Variants in OTOG observed in about 807,000 individuals in gnomAD.
OTOG encodes otogelin.
Under a neutral mutation model 313.8 loss-of-function variants are expected in OTOG, and 296 were observed. The ratio of observed to expected loss-of-function variants is 0.94; its 90% CI spans 0.86 to 1.04. The LOEUF (loss-of-function observed/expected upper bound fraction) is 1.04. Among genes scored for constraint, OTOG ranks in the 50% least tolerant of loss-of-function variants. The pLI, the probability that OTOG is intolerant of heterozygous loss-of-function variation, is 0.00. For synonymous variants in OTOG, 1,533 were observed against 1,554.9 expected (o/e 0.99, Z 0.33); for missense variants, 3,948 against 3,840.1 (o/e 1.03, Z -0.74).
chr11:17,615,914 G>A (rs571631543), intron 39 of OTOG, among the ~76,000 whole-genome samples: 8 of 152,042 alleles, frequency 5.3e-5, no homozygotes, highest in Admixed American at 2.0e-4. Context: ...GGCAACAAGA[G>A]TGAAACTGTC....
chr11:17,593,118 T>TAGA, intron 25 of OTOG, 75 bp from the exon 26 acceptor site: 4 of 1,405,810 alleles, frequency 2.8e-6, no homozygotes, highest in Admixed American at 2.4e-5. Flanking sequence ...AGAGAGCGTG[T>TAGA]TCCTCCACCT....
At chr11:17,603,649 C>A (rs1319606531) in intron 32 of OTOG, among the ~76,000 whole-genome samples, 1 of 152,142 alleles carries the variant, frequency 6.6e-6, no homozygotes, top group Non-Finnish European at 1.5e-5. Flanking sequence ...TGCCCAGGGT[C>A]CTGGGCAGCC....
Position 17,561,722 on chromosome 11 carries a change from TC to T in OTOG, c.1563del (p.Ala522ProfsTer18). On this transcript the variant is annotated frameshift_variant, in exon 15 of 56. Transcript: ENST00000399397. LOFTEE classifies it high-confidence loss of function. Reference sequence around the variant, plus strand: ...ACCTTTGATGGCCGCCGGTACACGTTCCCCGCCACATGTCAGTACATCCTGG... The same window carrying T: ...ACCTTTGATGGCCGCCGGTACACGTTCCCGCCACATGTCAGTACATCCTGG... ...FTTFDGRRYT[F>X]PATCQYILAK... 6.5e-7 allele frequency: 1 copy of T among 1,550,330 alleles called. No homozygotes were observed. The highest frequency in any genetic ancestry group is 8.7e-7 in the Non-Finnish European group (1 of 1,146,938).
chr11:17,637,367 C>T (rs1052005353), intron 47 of OTOG, among the ~76,000 whole-genome samples: 4 of 152,152 alleles, frequency 2.6e-5, no homozygotes, highest in African/African-American at 9.7e-5. Context: ...ATTATAATGA[C>T]ATGCCTCACA....
chr11:17,580,780 A>G (rs1268709597), intron 23 of OTOG, among the ~76,000 whole-genome samples: 1 of 152,230 alleles, frequency 6.6e-6, no homozygotes, highest in East Asian at 1.9e-4. Flanking sequence ...CAGTGTGCCC[A>G]GGCCTGTAAG....
chr11:17,596,004 T>C, intron 28 of OTOG, 34 bp from the exon 29 acceptor site: 5 of 1,441,370 alleles, frequency 3.5e-6, no homozygotes, highest in Non-Finnish European at 4.8e-6. Context: ...ATTTGGCAAG[T>C]AGGGAGGTCA....
At chr11:17,632,034 G>A (rs1854141066) in intron 41 of OTOG, 54 bp from the exon 42 acceptor site, 2 of 1,542,646 alleles carry the variant, frequency 1.3e-6, no homozygotes, top group South Asian at 1.2e-5. Context: ...GAGGAGCTGG[G>A]CACTGGGATA....
intron 39 of OTOG, among the ~76,000 whole-genome samples, chr11:17,625,609 G>A (rs1853965875): frequency 6.6e-6 from 1 of 152,096 alleles, no homozygotes; most frequent in African/African-American, 2.4e-5. Flanking sequence ...TTTGAGAAAT[G>A]TCTATTTCAA....
intron 34 of OTOG, 29 bp downstream of exon 34, chr11:17,608,442 G>T: frequency 6.9e-7 from 1 of 1,446,408 alleles, no homozygotes. Context: ...TGGGCATGGA[G>T]CCAAGGTGTG....
chr11:17,616,935 T>C (rs1039340333), intron 39 of OTOG, among the ~76,000 whole-genome samples: 8 of 152,340 alleles, frequency 5.3e-5, no homozygotes, highest in African/African-American at 1.7e-4. Context: ...TTGTCTGATC[T>C]TAGGGAGAAG....
chr11:17,547,819 G>A (rs1039991173), intron 1 of OTOG, 108 bp from the exon 2 acceptor site: 4 of 440,124 alleles, frequency 9.1e-6, no homozygotes, highest in African/African-American at 6.0e-5. Flanking sequence ...GGGAGAATGG[G>A]GGAATGCTCA....
chr11:17,582,248 C>G (rs188309967), intron 23 of OTOG, among the ~76,000 whole-genome samples: 1 of 152,236 alleles, frequency 6.6e-6, no homozygotes, highest in Non-Finnish European at 1.5e-5. Context: ...GGCTTTTTGT[C>G]ACTATATAGT....
intron 15 of OTOG, among the ~76,000 whole-genome samples, chr11:17,568,259 T>G (rs117911985): frequency 1.2e-4 from 19 of 152,300 alleles, no homozygotes; most frequent in African/African-American, 4.3e-4. Flanking sequence ...TGAATATATA[T>G]AGAGAGATTT....
rs1452499025 is a variant in OTOG, at chr11:17,608,428, G to A, written c.4274+15G>A. Reference sequence around the variant, plus strand: ...GACGTACCCAGGTGAGATGCCAGGGGCTGTGGGCATGGAGCCAAGGTGTGT... The same window carrying A: ...GACGTACCCAGGTGAGATGCCAGGGACTGTGGGCATGGAGCCAAGGTGTGT... On this transcript the variant is annotated intron_variant, in intron 34 of 55. Transcript: ENST00000399397. 1.4e-5 allele frequency: 21 copies of A among 1,507,564 alleles called. 1 individual carries two copies. The Middle Eastern group carries it at 5.2e-4, about 37-fold the overall frequency. The allele number at this position is 1,507,564 out of a possible 1,614,324, so 93.4% of individuals were successfully genotyped here.
rs1454158705 is a variant in OTOG at position 17,573,089 on chromosome 11, G to A, written c.2092G>A (p.Val698Met). Residue 698 changes from valine (V) to methionine (M), a missense_variant, in exon 19 of 56, where the codon GTG (valine) becomes ATG (methionine). Physicochemically the swap from Val to Met is conservative, Grantham distance 21 (BLOSUM62 1). Coordinates refer to ENST00000399397, the MANE Select transcript of OTOG (RefSeq NM_001292063.2). ...DVHLQAASYS[V>M]QACSVLTGEM... ...TCTTCCTTCCCCAGCCTCCTACTCA[G>A]TGCAGGCCTGCAGCGTGCTCACGGG... 6.5e-7 allele frequency: 1 copy of A among 1,547,960 alleles called. No homozygotes were observed. The highest frequency in any genetic ancestry group is 1.4e-5 in the African/African-American group (1 of 73,024).
At chr11:17,568,584 G>A (rs1010735705) in intron 15 of OTOG, among the ~76,000 whole-genome samples, 1 of 152,188 alleles carries the variant, frequency 6.6e-6, no homozygotes, top group Admixed American at 6.5e-5. Flanking sequence ...GTCTGATACA[G>A]TATGCCTTGC....
chr11:17,639,644 G>T (rs192684139), intron 49 of OTOG, among the ~76,000 whole-genome samples, 181 bp downstream of exon 49: 132 of 152,280 alleles, frequency 8.7e-4, no homozygotes, highest in African/African-American at 3.1e-3. Flanking sequence ...TTTGTAAAGT[G>T]GACATAATCA....
At chr11:17,622,479 T>A (rs560683698) in intron 39 of OTOG, among the ~76,000 whole-genome samples, 15 of 152,322 alleles carry the variant, frequency 9.8e-5, no homozygotes, top group African/African-American at 3.4e-4. Context: ...ACTCATTCTT[T>A]TTAATTTTTC....
At chr11:17,604,110 C>T (rs1052127391) in intron 32 of OTOG, among the ~76,000 whole-genome samples, 49 of 152,292 alleles carry the variant, frequency 3.2e-4, no homozygotes, top group Admixed American at 9.1e-4. Context: ...TAGTGACAGG[C>T]GCCAGCCGTT....
Sources: allele counts gnomAD v4.1 joint callset (sites outside exome capture counted in the v4.1 genomes callset), GRCh38; gene constraint gnomAD v4.1.1; transcripts MANE v1.5; gene names NCBI Gene and HGNC (gene_info 2026-07-23, HGNC 2026-07-21).